Variants in GPC5 observed in about 807,000 individuals in gnomAD.
The protein encoded by GPC5 is glypican-5.
Under a neutral mutation model 53.9 loss-of-function variants are expected in GPC5, and 47 were observed. The ratio of observed to expected loss-of-function variants is 0.87; its 90% CI spans 0.69 to 1.11. GPC5 has a LOEUF of 1.11. Among genes scored for constraint, GPC5 ranks in the 50% most tolerant of loss-of-function variants. The pLI is 0.00. For synonymous variants in GPC5, 286 were observed against 263.3 expected (o/e 1.09, Z -0.84); for missense variants, 748 against 713.1 (o/e 1.05, Z -0.56).
chr13:91,868,069 TA>T lies in GPC5; in HGVS notation c.1281-39867del, dbSNP rs1478874462. On this transcript the variant is annotated intron_variant, in intron 5 of 7. Transcript: ENST00000377067. ...TTAAACTGTTAAATTGAAATCATATTATTCAAGAAATTGTCTTTTTTCAAGG... is the reference window on the plus strand; with the variant it reads ...TTAAACTGTTAAATTGAAATCATATTTTCAAGAAATTGTCTTTTTTCAAGG... Among the ~76,000 whole-genome samples the T allele has an allele frequency of 5.3e-5, 8 of 152,326 alleles. 1 individual carries two copies. The highest frequency in any genetic ancestry group is 1.9e-4 in the African/African-American group (8 of 41,576).
intron 7 of GPC5, among the ~76,000 whole-genome samples, chr13:92,213,096 GGGA>G (rs1400749521): frequency 6.6e-6 from 1 of 152,164 alleles, no homozygotes; most frequent in Admixed American, 6.5e-5. Flanking sequence ...CCAGAAGAAA[GGGA>G]GGAGATTTCT....
intron 7 of GPC5, among the ~76,000 whole-genome samples, chr13:92,150,703 G>A (rs2041900871): frequency 1.3e-5 from 2 of 152,006 alleles, no homozygotes; most frequent in African/African-American, 4.8e-5. Flanking sequence ...TTAAATCACT[G>A]AGGTGAAGAG....
intron 2 of GPC5, among the ~76,000 whole-genome samples, chr13:91,524,534 T>A (rs1885995769): frequency 6.6e-6 from 1 of 152,144 alleles, no homozygotes; most frequent in Non-Finnish European, 1.5e-5. Context: ...ATCTTATTTT[T>A]CAAGGAGAAA....
At chr13:91,851,399 A>T (rs1043886296) in intron 5 of GPC5, among the ~76,000 whole-genome samples, 10 of 152,302 alleles carry the variant, frequency 6.6e-5, no homozygotes, top group African/African-American at 2.2e-4. Flanking sequence ...GCGAGTCAGT[A>T]AGTAGTGAGT....
At chr13:92,778,930 A>C (rs1292403115) in intron 7 of GPC5, among the ~76,000 whole-genome samples, 1 of 152,036 alleles carries the variant, frequency 6.6e-6, no homozygotes, top group African/African-American at 2.4e-5. Flanking sequence ...TATTCCTCAT[A>C]ATGCTTGTTG....
chr13:91,462,248 T>A (rs1881981199), intron 2 of GPC5, among the ~76,000 whole-genome samples: 1 of 152,174 alleles, frequency 6.6e-6, no homozygotes, highest in Non-Finnish European at 1.5e-5. Context: ...TGACGTCACT[T>A]ATTCATTCTG....
At chr13:91,669,282 T>TACAA (rs1368332037) in intron 2 of GPC5, among the ~76,000 whole-genome samples, 1 of 152,176 alleles carries the variant, frequency 6.6e-6, no homozygotes, top group African/African-American at 2.4e-5. Flanking sequence ...AACATGATTG[T>TACAA]TTCAGAGAAC....
chr13:91,666,947 T>A (rs2035129350), intron 2 of GPC5, among the ~76,000 whole-genome samples: 1 of 152,156 alleles, frequency 6.6e-6, no homozygotes, highest in Non-Finnish European at 1.5e-5. Flanking sequence ...CCAAAACAAT[T>A]TTGAATGTAA....
chr13:91,645,372 T>C (rs2034533803), intron 2 of GPC5, among the ~76,000 whole-genome samples: 1 of 152,200 alleles, frequency 6.6e-6, no homozygotes, highest in Non-Finnish European at 1.5e-5. Context: ...GATGTGGTCT[T>C]GACTTTCATC....
At chr13:92,215,059 A>G (rs2042400306) in intron 7 of GPC5, among the ~76,000 whole-genome samples, 1 of 152,172 alleles carries the variant, frequency 6.6e-6, no homozygotes, top group Admixed American at 6.5e-5. Flanking sequence ...GAATTGTAAC[A>G]CAGTCAATTC....
Position 91,573,958 on chromosome 13 carries a change from A to T in GPC5, c.326-119229A>T, listed in dbSNP as rs555398244. On this transcript the variant is annotated intron_variant, in intron 2 of 7. Transcript: ENST00000377067. ...TACCTGTATCTATTTCTAGTTTGTC[A>T]CTACATCCTGCCACTTGGTTTATTA... 3.9e-5 allele frequency among the ~76,000 whole-genome samples: 6 copies of T among 152,292 alleles called. No homozygotes were observed. In the South Asian group the frequency reaches 1.2e-3, roughly 32 times the overall value.
intron 5 of GPC5, among the ~76,000 whole-genome samples, chr13:91,849,478 C>T (rs2038889553): frequency 6.6e-6 from 1 of 150,404 alleles, no homozygotes; most frequent in Non-Finnish European, 1.5e-5. Flanking sequence ...TCATATCTAG[C>T]CAAATTCTAT....
At chr13:91,558,719 G>A (rs946785699) in intron 2 of GPC5, among the ~76,000 whole-genome samples, 5 of 151,990 alleles carry the variant, frequency 3.3e-5, no homozygotes, top group African/African-American at 7.2e-5. Context: ...GACTGTTGCC[G>A]TCCTCAGTGT....
chr13:92,540,501 A>C (rs1431707348), intron 7 of GPC5, among the ~76,000 whole-genome samples: 1 of 152,016 alleles, frequency 6.6e-6, no homozygotes, highest in African/African-American at 2.4e-5. Context: ...ATGTTATTTA[A>C]AAATACATTT....
intron 6 of GPC5, among the ~76,000 whole-genome samples, chr13:92,119,390 G>GTTTTTTTTTTTTT (rs386380215): frequency 4.6e-5 from 3 of 65,684 alleles, no homozygotes; most frequent in East Asian, 4.8e-4. Flanking sequence ...TAGGATTTTA[G>GTTTTTTTTTTTTT]TTTTTTTTTT....
At chr13:92,575,111 C>T (rs1883150189) in intron 7 of GPC5, among the ~76,000 whole-genome samples, 1 of 152,174 alleles carries the variant, frequency 6.6e-6, no homozygotes, top group Non-Finnish European at 1.5e-5. Flanking sequence ...AAATTTTGGA[C>T]AACTAGCAGC....
intron 7 of GPC5, among the ~76,000 whole-genome samples, chr13:92,515,841 C>T (rs1188765655): frequency 6.6e-6 from 1 of 151,998 alleles, no homozygotes; most frequent in Non-Finnish European, 1.5e-5. Context: ...TGTTCTAAAA[C>T]ATGAAAATAA....
chr13:92,574,842 C>T (rs1322399037), intron 7 of GPC5, among the ~76,000 whole-genome samples: 1 of 152,122 alleles, frequency 6.6e-6, no homozygotes, highest in Admixed American at 6.6e-5. Flanking sequence ...GTGTTATTTG[C>T]TGGTCTTATC....
At chr13:92,387,545 G>T (rs544794445) in intron 7 of GPC5, among the ~76,000 whole-genome samples, 3 of 152,148 alleles carry the variant, frequency 2.0e-5, no homozygotes, top group African/African-American at 7.2e-5. Flanking sequence ...CTTCTTGAGA[G>T]GGTTTAATGT....
Sources: allele counts gnomAD v4.1 joint callset (sites outside exome capture counted in the v4.1 genomes callset), GRCh38; gene constraint gnomAD v4.1.1; transcripts MANE v1.5; gene names NCBI Gene and HGNC (gene_info 2026-07-23, HGNC 2026-07-21).